EYS: variants seen among roughly 807,000 people sequenced by gnomAD.
EYS encodes the protein protein eyes shut homolog.
A neutral mutation model predicts 282.1 loss-of-function variants in EYS; 250 were observed. That is an observed-to-expected ratio of 0.89 (90% CI 0.80 to 0.98). The LOEUF is 0.98. EYS is among the 50% of genes least tolerant of loss of function. EYS has a pLI of 0.00. For missense variants in EYS, 4,016 were observed against 3,709.0 expected (o/e 1.08, Z -2.15); for synonymous variants, 1,355 against 1,282.9 (o/e 1.06, Z -1.20).
chr6:64,650,951 T>G (rs539307600), intron 22 of EYS, among the ~76,000 whole-genome samples: 91 of 152,204 alleles, frequency 6.0e-4, no homozygotes, highest in African/African-American at 2.1e-3. Context: ...GTTTATTGTT[T>G]GACTAATAGA....
intron 22 of EYS, among the ~76,000 whole-genome samples, chr6:64,799,631 C>A (rs527273396): frequency 1.3e-5 from 2 of 149,870 alleles, no homozygotes; most frequent in African/African-American, 4.9e-5. Flanking sequence ...TATACCTGTG[C>A]TATTCTGAAT....
At chr6:64,761,801 A>G (rs1335849467) in intron 22 of EYS, among the ~76,000 whole-genome samples, 2 of 152,180 alleles carry the variant, frequency 1.3e-5, no homozygotes, top group African/African-American at 4.8e-5. Context: ...TAGAAAAGGT[A>G]AGCACAGATA....
intron 41 of EYS, among the ~76,000 whole-genome samples, chr6:63,757,322 G>C (rs1433811973): frequency 6.6e-6 from 1 of 152,002 alleles, no homozygotes; most frequent in South Asian, 2.1e-4. Flanking sequence ...AGGCTTACTA[G>C]GGTGGGGAAG....
At chr6:64,911,498 A>G (rs528133807) in intron 16 of EYS, among the ~76,000 whole-genome samples, 1 of 152,264 alleles carries the variant, frequency 6.6e-6, no homozygotes, top group South Asian at 2.1e-4. Flanking sequence ...AATAGCTTTG[A>G]ATAAGATGTC....
intron 14 of EYS, among the ~76,000 whole-genome samples, chr6:64,947,343 T>G (rs10085258): frequency 0.89 from 135,518 of 151,812 alleles, 60,531 homozygotes; most frequent in African/African-American, 0.92. Context: ...GTGCATTTAG[T>G]TTACAACAGT....
intron 16 of EYS, among the ~76,000 whole-genome samples, chr6:64,907,916 C>T (rs1263494069): frequency 1.3e-5 from 2 of 152,030 alleles, no homozygotes; most frequent in East Asian, 3.9e-4. Flanking sequence ...GGAATTATTG[C>T]AAGGGAGTGG....
chr6:63,864,047 T>G (rs907243668), intron 36 of EYS, 139 bp downstream of exon 36: 1 of 786,466 alleles, frequency 1.3e-6, no homozygotes, highest in African/African-American at 1.8e-5. Context: ...GGGTCTTGTC[T>G]CAACTAACTT....
At position 65,394,099 on chromosome 6, in the gene EYS, G is replaced by T. The variant is rs551095016; in HGVS notation, c.1184+8379C>A. On this transcript the variant is annotated intron_variant, in intron 7 of 42. Transcript: ENST00000503581. ...AATTTTTATGAGAAAGACACCAGCT[G>T]GTTTAACAAAACTTTATTTCCTGGC... Among the ~76,000 whole-genome samples the T allele has an allele frequency of 3.9e-5, 6 of 152,066 alleles. No homozygotes were observed. The East Asian group carries it at 1.2e-3, about 29-fold the overall frequency.
chr6:65,481,272 A>C (rs75844837), intron 5 of EYS, among the ~76,000 whole-genome samples: 3,543 of 152,248 alleles, frequency 0.023, 101 homozygotes, highest in African/African-American at 0.062. Flanking sequence ...AAAGGAAAAA[A>C]TAAGTATTCT....
chr6:64,383,069 CT>C (rs1772801013), intron 29 of EYS, among the ~76,000 whole-genome samples: 3 of 152,120 alleles, frequency 2.0e-5, no homozygotes, highest in Non-Finnish European at 4.4e-5. Context: ...GGATGGATCA[CT>C]TGAGCTCAGG....
At chr6:64,558,428 C>T (rs899171912) in intron 26 of EYS, among the ~76,000 whole-genome samples, 5 of 151,952 alleles carry the variant, frequency 3.3e-5, no homozygotes, top group South Asian at 2.1e-4. Flanking sequence ...ATGCATAGGA[C>T]GGACCACACA....
At chr6:65,513,890 C>A (rs374802686) in intron 2 of EYS, among the ~76,000 whole-genome samples, 39 of 152,258 alleles carry the variant, frequency 2.6e-4, no homozygotes, top group African/African-American at 5.3e-4. Flanking sequence ...CAAGACAGGG[C>A]TGCCCTCTCT....
At chr6:65,160,584 T>G (rs1764829441) in intron 12 of EYS, among the ~76,000 whole-genome samples, 1 of 150,912 alleles carries the variant, frequency 6.6e-6, no homozygotes, top group Non-Finnish European at 1.5e-5. Flanking sequence ...TCTTGGCCAT[T>G]TCTTCTCCAC....
intron 12 of EYS, among the ~76,000 whole-genome samples, chr6:65,092,120 A>G (rs1774591363): frequency 6.6e-6 from 1 of 152,186 alleles, no homozygotes; most frequent in African/African-American, 2.4e-5. Context: ...GAATATAAAA[A>G]TACAATTACC....
At chr6:65,000,603 C>T (rs1232308268) in intron 13 of EYS, among the ~76,000 whole-genome samples, 3 of 151,858 alleles carry the variant, frequency 2.0e-5, no homozygotes, top group South Asian at 2.1e-4. Flanking sequence ...GAAACCCCAT[C>T]GCTACTAAAA....
rs371690052 is a variant in EYS at position 65,520,456 on chromosome 6, A to G, written c.-332-24463T>C. ...TTGGGAAGTAGGCCTTGTGCTGGAC[A>G]CTAAGGAAATTTGAAGTTATAATGT... On this transcript the variant is annotated intron_variant, in intron 2 of 42. Coordinates refer to ENST00000503581, the MANE Select transcript of EYS (RefSeq NM_001142800.2). 2.6e-5 allele frequency among the ~76,000 whole-genome samples: 4 copies of G among 152,258 alleles called. No individual in the cohort carries two copies. In the South Asian group the frequency reaches 8.3e-4, roughly 32 times the overall value.
intron 11 of EYS, among the ~76,000 whole-genome samples, chr6:65,317,817 CCTTCCTTCCTTT>C (rs1263710910): frequency 5.9e-5 from 3 of 50,474 alleles, no homozygotes; most frequent in African/African-American, 1.0e-4. Context: ...TTCCTTCCTT[CCTTCCTTCCTTT>C]CTTTCTTTCT....
At chr6:63,922,242 A>G (rs963481172) in intron 35 of EYS, among the ~76,000 whole-genome samples, 1 of 152,210 alleles carries the variant, frequency 6.6e-6, no homozygotes, top group Admixed American at 6.5e-5. Flanking sequence ...TAGATTTGTT[A>G]TTATAGATTA....
intron 28 of EYS, among the ~76,000 whole-genome samples, chr6:64,396,905 T>TGCATGTGTGTGCAC (rs1441887473): frequency 2.7e-4 from 41 of 152,182 alleles, no homozygotes; most frequent in Middle Eastern, 3.4e-3. Flanking sequence ...TGTGTGTGCA[T>TGCATGTGTGTGCAC]GCATGTGTGT....
Sources: allele counts gnomAD v4.1 joint callset (sites outside exome capture counted in the v4.1 genomes callset), GRCh38; gene constraint gnomAD v4.1.1; transcripts MANE v1.5; gene names NCBI Gene and HGNC (gene_info 2026-07-23, HGNC 2026-07-21).